The following GRK1 variants were observed in gnomAD, a reference collection of about 807,000 sequenced individuals.
GRK1 encodes G protein-coupled receptor kinase 1.
GRK1 carries 28 observed loss-of-function variants against 41.7 expected under a neutral mutation model. The observed-to-expected ratio is 0.67, with a 90% CI of 0.50 to 0.92. The LOEUF (loss-of-function observed/expected upper bound fraction) is 0.92. Among genes scored for constraint, GRK1 ranks in the 40% least tolerant of loss-of-function variants. The probability of loss-of-function intolerance (pLI) is 0.00; values close to 1 mark genes in which losing one functional copy is unlikely to be tolerated. For synonymous variants in GRK1, 327 were observed against 286.7 expected (o/e 1.14, Z -1.42); for missense variants, 703 against 671.2 (o/e 1.05, Z -0.52).
At chr13:113,723,270 CTGTG>C in intron 4 of GRK1, 113 bp downstream of exon 4, 1 of 543,790 alleles carries the variant, frequency 1.8e-6, no homozygotes, top group South Asian at 2.3e-5. Flanking sequence ...ATAGGTGTGT[CTGTG>C]TGCACATGGG....
the GRK1 span, among the ~76,000 whole-genome samples, chr13:113,662,176 A>G: frequency 1.3e-5 from 2 of 152,374 alleles, no homozygotes; most frequent in Non-Finnish European, 2.9e-5. Context: ...TCAAAACCCA[A>G]TCAGTGTGAT....
At chr13:113,651,380 G>A in the GRK1 span, among the ~76,000 whole-genome samples, 2 of 152,224 alleles carry the variant, frequency 1.3e-5, no homozygotes, top group African/African-American at 4.8e-5. Flanking sequence ...GGTGGAAGGT[G>A]CACTGGTCTT....
At chr13:113,734,880 C>G (rs1032388258) in intron 6 of GRK1, 188 bp from the exon 7 acceptor site, 1 of 518,116 alleles carries the variant, frequency 1.9e-6, no homozygotes, top group South Asian at 3.9e-5. Flanking sequence ...GCTGTGTGGT[C>G]TCAGGGGAAC....
chr13:113,729,945 G>A lies in GRK1; in HGVS notation c.1070-1274G>A, dbSNP rs183233478. Among the ~76,000 whole-genome samples the A allele has an allele frequency of 1.0e-3, 126 of 125,722 alleles. 2 individuals carry two copies. In the South Asian group the frequency reaches 0.02, roughly 20 times the overall value. The allele number at this position is 125,722 out of a possible 152,430, so 82.5% of individuals were successfully genotyped here. On this transcript the variant is annotated intron_variant, in intron 4 of 6. Transcript: ENST00000335678. ...ATCCCTCCATCCCAAGACAGTCCCC[G>A]CGGCTGCGCCCAAACCCGCCCCTCC... is the stretch of plus-strand genomic sequence containing the variant.
chr13:113,648,269 A>G, the GRK1 span, among the ~76,000 whole-genome samples: 20 of 152,244 alleles, frequency 1.3e-4, no homozygotes, highest in African/African-American at 4.8e-4. Flanking sequence ...TTAACCTTAC[A>G]ACATATCTGC....
At chr13:113,662,667 A>T (rs1426958763), upstream of GRK1, among the ~76,000 whole-genome samples, 1 of 152,230 alleles carries the variant, frequency 6.6e-6, no homozygotes, top group Non-Finnish European at 1.5e-5. Flanking sequence ...AGGCATATGG[A>T]TACCAAAATT....
In GRK1 at chr13:113,667,638, GGCCCTGGA is replaced by G; in HGVS notation, c.255_262del (p.Leu88ArgfsTer6). The G allele has an allele frequency of 6.2e-7, 1 of 1,613,546 alleles. No individual in the cohort carries two copies. Among genetic ancestry groups the G allele is most frequent in the South Asian group, 1.1e-5 (1 of 91,086 alleles). On this transcript the variant is annotated frameshift_variant, in exon 1 of 7. Transcript: ENST00000335678. LOFTEE classifies it high-confidence loss of function. The surrounding 1 kb of genome is among the most constrained non-coding windows in gnomAD (Gnocchi z 7.5). ...TACAATCGGCAGAGAAGCACCTGCC[GGCCCTGGA>G]GCTCTGGAAAGACATCGAGGACTAT...
rs1195294506 is a variant in GRK1, at chr13:113,669,769, C to G, written c.782C>G (p.Ala261Gly). ...CTGGCCTATGCGTTTGAAACCAAAGCCGACCTCTGTCTGGTGATGACCATC... is the reference window on the plus strand; with the variant it reads ...CTGGCCTATGCGTTTGAAACCAAAGGCGACCTCTGTCTGGTGATGACCATC... Reference protein sequence around the residue: ...VSLAYAFETKADLCLVMTIMN... With the variant: ...VSLAYAFETKGDLCLVMTIMN... Residue 261 changes from alanine to glycine, a missense_variant, in exon 2 of 7, where the codon GCC becomes GGC. By Grantham distance (60) the Ala-to-Gly change is moderately conservative. Transcript: ENST00000335678. 1 of 1,613,962 alleles carries G rather than the reference C, an allele frequency of 6.2e-7. No individual in the cohort carries two copies. The highest frequency in any genetic ancestry group is 1.1e-5 in the South Asian group (1 of 91,078).
chr13:113,725,321 A>AGAATTTGTGAACAGAGCAGGTAGAGC (rs1566695893), intron 4 of GRK1, among the ~76,000 whole-genome samples: 1 of 144,116 alleles, frequency 6.9e-6, no homozygotes, highest in African/African-American at 2.7e-5. Flanking sequence ...CAGGGGCGGG[A>AGAATTTGTGAACAGAGCAGGTAGAGC]TCCAGGGGCG....
At chr13:113,651,647 T>C in the GRK1 span, 4 of 1,588,036 alleles carry the variant, frequency 2.5e-6, no homozygotes, top group Non-Finnish European at 3.4e-6. Context: ...GGGGCAGCCC[T>C]GCCCGCCGCG....
chr13:113,733,084 T>C lies in GRK1; in HGVS notation c.1395T>C (p.Ala465=), dbSNP rs1233375041. The C allele has an allele frequency of 6.5e-7, 1 of 1,535,472 alleles. No individual in the cohort carries two copies. The highest frequency in any genetic ancestry group is 8.7e-7 in the Non-Finnish European group (1 of 1,146,190). ...ACCTTAACTGGAGGCAGCTGGAGGC[T>C]GGTACTGTTGGACGCCTCAGCCCCG... ...FKDLNWRQLE[A]GMLMPPFIPD... The change falls in exon 6 of 7, where the codon GCT becomes GCC. Residue 465 remains alanine (A), a splice_region_variant and synonymous_variant. Coordinates refer to ENST00000335678, the MANE Select transcript of GRK1 (RefSeq NM_002929.3).
At chr13:113,728,677 G>C (rs2049911965) in intron 4 of GRK1, among the ~76,000 whole-genome samples, 2 of 152,206 alleles carry the variant, frequency 1.3e-5, no homozygotes. Context: ...CACAGGGCTG[G>C]ACCACGGAAG....
chr13:113,668,235 C>T (rs746050796), intron 1 of GRK1, 150 bp downstream of exon 1: 15 of 802,600 alleles, frequency 1.9e-5, no homozygotes, highest in South Asian at 5.5e-5. Flanking sequence ...GCCACGTGGG[C>T]GCCCCGCGGC....
At chr13:113,655,788 T>C in the GRK1 span, among the ~76,000 whole-genome samples, 1 of 152,222 alleles carries the variant, frequency 6.6e-6, no homozygotes. Flanking sequence ...GTGGCATGGA[T>C]TCTGCTTAGT....
At chr13:113,665,367 A>ATGCCCCAGCTGTTCCAGGTG (rs1555360163), upstream of GRK1, among the ~76,000 whole-genome samples, 18 of 149,116 alleles carry the variant, frequency 1.2e-4, no homozygotes, top group African/African-American at 4.5e-4. Context: ...TGTCCGAGGT[A>ATGCCCCAGCTGTTCCAGGTG]TGCCCCAGCT....
At chr13:113,665,949 ATCCCAGGTGTG>A (rs1266022021), upstream of GRK1, among the ~76,000 whole-genome samples, 2 of 99,712 alleles carry the variant, frequency 2.0e-5, no homozygotes, top group African/African-American at 8.0e-5. Context: ...CCCCCAGTGC[ATCCCAGGTGTG>A]TCCCAGGTGT....
chr13:113,652,955 A>G, the GRK1 span: 3 of 1,614,118 alleles, frequency 1.9e-6, no homozygotes, highest in South Asian at 1.1e-5. Flanking sequence ...GTTCTGCAGC[A>G]TATCTGCCGT....
At chr13:113,649,547 G>A in the GRK1 span, 1 of 1,498,824 alleles carries the variant, frequency 6.7e-7, no homozygotes, top group Non-Finnish European at 8.9e-7. This position sits in a 1 kb window ranked among gnomAD's most constrained non-coding sequence, Gnocchi z 4.7. Context: ...TGAAGTGGGA[G>A]TGAGGAAAGG....
At chr13:113,649,788 G>A in the GRK1 span, among the ~76,000 whole-genome samples, 5 of 152,150 alleles carry the variant, frequency 3.3e-5, no homozygotes, top group Non-Finnish European at 7.4e-5. The surrounding 1 kb of genome is among the most constrained non-coding windows in gnomAD (Gnocchi z 4.7). Flanking sequence ...GATGATTAAC[G>A]TAAAAATGAA....
Sources: allele counts gnomAD v4.1 joint callset (sites outside exome capture counted in the v4.1 genomes callset), GRCh38; gene constraint gnomAD v4.1.1; non-coding constraint Gnocchi (gnomAD v3.1); transcripts MANE v1.5; gene names NCBI Gene and HGNC (gene_info 2026-07-23, HGNC 2026-07-21).